The following TTK variants were observed in gnomAD, a reference collection of about 807,000 sequenced individuals.
TTK encodes the protein dual specificity protein kinase TTK.
Under a neutral mutation model 117.3 loss-of-function variants are expected in TTK, and 59 were observed. The observed-to-expected ratio is 0.50, with a 90% CI of 0.41 to 0.62. The LOEUF (loss-of-function observed/expected upper bound fraction) is 0.62. Among genes scored for constraint, TTK ranks in the 20% least tolerant of loss-of-function variants. The probability of loss-of-function intolerance (pLI) is 0.00; values close to 1 mark genes in which losing one functional copy is unlikely to be tolerated. For missense variants in TTK, 921 were observed against 989.4 expected (o/e 0.93, Z 0.93); for synonymous variants, 302 against 325.0 (o/e 0.93, Z 0.76).
intron 1 of TTK, among the ~76,000 whole-genome samples, chr6:80,005,210 T>A (rs1766956260): frequency 6.6e-6 from 1 of 152,030 alleles, no homozygotes; most frequent in African/African-American, 2.4e-5. Context: ...CGATTAACAA[T>A]AAGACTGCAG....
chr6:80,022,680 T>A (rs1210043869), intron 11 of TTK, among the ~76,000 whole-genome samples: 1 of 152,252 alleles, frequency 6.6e-6, no homozygotes, highest in Non-Finnish European at 1.5e-5. Context: ...CTATCTTCGA[T>A]AGTGTTTCTA....
chr6:80,014,600 A>G lies in TTK; in HGVS notation c.1108+14A>G. 1 of 1,584,194 alleles carries G rather than the reference A, an allele frequency of 6.3e-7. No homozygotes were observed. Among genetic ancestry groups the G allele is most frequent in the Non-Finnish European group, 8.6e-7 (1 of 1,168,598 alleles). ...CTAAATTAGAAGGTAAGAGTAACAAAATCAGTAGACTTGTATGTTTAGTTA... is the reference window on the plus strand; with the variant it reads ...CTAAATTAGAAGGTAAGAGTAACAAGATCAGTAGACTTGTATGTTTAGTTA... On this transcript the variant is annotated intron_variant, in intron 10 of 21. Coordinates refer to ENST00000369798, the MANE Select transcript of TTK (RefSeq NM_003318.5).
intron 10 of TTK, among the ~76,000 whole-genome samples, chr6:80,021,308 G>T (rs2127675040): frequency 6.6e-6 from 1 of 152,338 alleles, no homozygotes; most frequent in Middle Eastern, 3.4e-3. Context: ...TTTGCAAGTG[G>T]CTCCTGCGTT....
chr6:80,015,873 A>G (rs994497854), intron 10 of TTK, among the ~76,000 whole-genome samples: 3 of 152,152 alleles, frequency 2.0e-5, no homozygotes, highest in Non-Finnish European at 4.4e-5. Flanking sequence ...CTTGTAACCA[A>G]TAGCCAGATC....
At chr6:80,037,908 A>C (rs912708049) in intron 17 of TTK, 59 bp from the exon 18 acceptor site, 7 of 1,000,236 alleles carry the variant, frequency 7.0e-6, no homozygotes, top group African/African-American at 1.7e-5. Flanking sequence ...CTCAAAAAAA[A>C]ATCTAAAGCA....
intron 21 of TTK, among the ~76,000 whole-genome samples, chr6:80,041,350 G>C (rs1239516975): frequency 6.6e-6 from 1 of 151,716 alleles, no homozygotes; most frequent in Non-Finnish European, 1.5e-5. Context: ...AAGTTGCCAA[G>C]AACTTGAATA....
At chr6:80,008,929 CTGTGTGTG>C (rs3049166) in intron 4 of TTK, among the ~76,000 whole-genome samples, 9,083 of 142,386 alleles carry the variant, frequency 0.064, 325 homozygotes, top group South Asian at 0.12. Context: ...AACTATATAT[CTGTGTGTG>C]TGTGTGTGTG....
At chr6:80,026,280 T>G (rs188084564) in intron 11 of TTK, 98 bp from the exon 12 acceptor site, 1 of 1,261,196 alleles carries the variant, frequency 7.9e-7, no homozygotes, top group Non-Finnish European at 1.1e-6. Context: ...GTATATCATA[T>G]GTTATTATTT....
At chr6:80,008,800 A>G (rs1214523832) in intron 4 of TTK, among the ~76,000 whole-genome samples, 3 of 152,142 alleles carry the variant, frequency 2.0e-5, no homozygotes, top group Non-Finnish European at 4.4e-5. Flanking sequence ...GAAGAAGGAT[A>G]TCAGATATTT....
chr6:80,042,067 C>T (rs368622626), intron 21 of TTK, 52 bp from the exon 22 acceptor site: 1 of 1,087,516 alleles, frequency 9.2e-7, no homozygotes, highest in South Asian at 1.8e-5. Flanking sequence ...ACTGATGTGA[C>T]AGTACATTTA....
intron 13 of TTK, among the ~76,000 whole-genome samples, chr6:80,031,200 C>T (rs1767751783): frequency 6.6e-6 from 1 of 151,326 alleles, no homozygotes; most frequent in Admixed American, 6.6e-5. Flanking sequence ...TATAAGTTTG[C>T]AGATTGCATA....
At chr6:80,040,756 G>A (rs1768028372) in intron 21 of TTK, 53 bp downstream of exon 21, 4 of 1,533,696 alleles carry the variant, frequency 2.6e-6, no homozygotes, top group South Asian at 2.4e-5. Flanking sequence ...TAGTGAATTC[G>A]ACACTTAAGG....
At chr6:80,006,511 A>T (rs1478513964) in intron 2 of TTK, among the ~76,000 whole-genome samples, 2 of 152,186 alleles carry the variant, frequency 1.3e-5, no homozygotes. Flanking sequence ...CAAAGGTTGT[A>T]CATCAAGGCA....
intron 10 of TTK, among the ~76,000 whole-genome samples, chr6:80,015,130 G>A (rs1767271618): frequency 6.6e-6 from 1 of 152,112 alleles, no homozygotes; most frequent in South Asian, 2.1e-4. Flanking sequence ...TGGTTTAGGA[G>A]AAATAAGGAA....
intron 11 of TTK, 34 bp downstream of exon 11, chr6:80,022,506 T>C: frequency 6.2e-7 from 1 of 1,600,656 alleles, no homozygotes; most frequent in Non-Finnish European, 8.5e-7. Flanking sequence ...TATTGCTTTT[T>C]TGTTCATAAT....
rs1318361810 is a variant in TTK, at chr6:80,026,362, CTTT to C, written c.1258-15_1258-13del. The C allele has an allele frequency of 8.1e-6, 13 of 1,602,552 alleles. No homozygotes were observed. Among genetic ancestry groups the C allele is most frequent in the Non-Finnish European group, 1.1e-5 (13 of 1,176,346 alleles). Reference sequence around the variant, plus strand: ...AATTTAAAAACTAAATCATGGTGTTCTTTATTTTGTTTTAGCAGAAACATACCA... The same window carrying C: ...AATTTAAAAACTAAATCATGGTGTTCATTTTGTTTTAGCAGAAACATACCA... On this transcript the variant is annotated splice_polypyrimidine_tract_variant and intron_variant, in intron 11 of 21. Coordinates refer to ENST00000369798, the MANE Select transcript of TTK (RefSeq NM_003318.5).
Position 80,026,464 on chromosome 6 carries a change from A to G in TTK, c.1344A>G (p.Lys448=), listed in dbSNP as rs1438120748. The G allele has an allele frequency of 6.2e-7, 1 of 1,613,728 alleles. No homozygotes were observed. Among genetic ancestry groups the G allele is most frequent in the Non-Finnish European group, 8.5e-7 (1 of 1,179,874 alleles). ...PISTSKWFDP[K]SICKTPSSNT... ...CAACATCTAAATGGTTTGACCCAAA[A>G]TCTATTTGTAAGACACCAAGCAGCA... Residue 448 remains lysine (K), a synonymous_variant, in exon 12 of 22, where the codon AAA becomes AAG. Coordinates refer to ENST00000369798, the MANE Select transcript of TTK (RefSeq NM_003318.5).
At chr6:80,027,036 G>A (rs1582104348) in intron 12 of TTK, among the ~76,000 whole-genome samples, 1 of 152,086 alleles carries the variant, frequency 6.6e-6, no homozygotes, top group South Asian at 2.1e-4. Context: ...TGTGCTGATA[G>A]GGAACACAAG....
intron 16 of TTK, among the ~76,000 whole-genome samples, chr6:80,035,806 G>T (rs866815189): frequency 1.4e-4 from 22 of 151,972 alleles, no homozygotes; most frequent in Middle Eastern, 3.4e-3. Context: ...TGAGAAGTTG[G>T]TTTTTTTGTT....
Sources: allele counts gnomAD v4.1 joint callset (sites outside exome capture counted in the v4.1 genomes callset), GRCh38; gene constraint gnomAD v4.1.1; transcripts MANE v1.5; gene names NCBI Gene and HGNC (gene_info 2026-07-23, HGNC 2026-07-21).